SHISA9: variants seen among roughly 807,000 people sequenced by gnomAD.
The protein encoded by SHISA9 is shisa family member 9.
A neutral mutation model predicts 38.0 loss-of-function variants in SHISA9; 13 were observed. That is an observed-to-expected ratio of 0.34 (90% confidence interval 0.22 to 0.54). The LOEUF is 0.54. Ranked by LOEUF, SHISA9 falls within the 20% of genes least tolerant of loss-of-function variation. SHISA9 has a pLI of 0.91. For missense variants in SHISA9, 538 were observed against 575.8 expected (o/e 0.93, Z 0.67); for synonymous variants, 275 against 242.0 (o/e 1.14, Z -1.27).
the SHISA9 span, among the ~76,000 whole-genome samples, chr16:13,293,481 G>A: frequency 6.6e-6 from 1 of 152,158 alleles, no homozygotes; most frequent in Non-Finnish European, 1.5e-5. Flanking sequence ...TTGCAAGCCA[G>A]GCCACCTTAG....
the SHISA9 span, among the ~76,000 whole-genome samples, chr16:13,309,646 A>T: frequency 1.3e-5 from 2 of 150,748 alleles, no homozygotes; most frequent in East Asian, 1.9e-4. Context: ...CAGTCTCAAA[A>T]AAAAAAAAAA....
the SHISA9 span, among the ~76,000 whole-genome samples, chr16:13,389,662 C>T: frequency 2.6e-5 from 4 of 152,178 alleles, no homozygotes; most frequent in African/African-American, 9.7e-5. Context: ...TTCCAGATCA[C>T]TTGGAACTCA....
At chr16:13,539,361 A>AAAAC in the SHISA9 span, among the ~76,000 whole-genome samples, 2 of 80,900 alleles carry the variant, frequency 2.5e-5, no homozygotes, top group Non-Finnish European at 5.4e-5. Flanking sequence ...ATATATATAA[A>AAAAC]GACAGGATCT....
At chr16:12,946,816 A>G (rs779008921) in intron 2 of SHISA9, among the ~76,000 whole-genome samples, 1 of 152,260 alleles carries the variant, frequency 6.6e-6, no homozygotes, top group Non-Finnish European at 1.5e-5. Flanking sequence ...CTGCATGGCC[A>G]TTGCAGTTCT....
At chr16:13,475,970 G>A in the SHISA9 span, among the ~76,000 whole-genome samples, 1 of 152,084 alleles carries the variant, frequency 6.6e-6, no homozygotes, top group African/African-American at 2.4e-5. Flanking sequence ...GGGAGCAGCT[G>A]TAAATAAAGA....
the SHISA9 span, among the ~76,000 whole-genome samples, chr16:13,535,529 G>T: frequency 2.0e-5 from 3 of 152,136 alleles, no homozygotes; most frequent in Non-Finnish European, 4.4e-5. Context: ...ACACTCGTTC[G>T]TTTACTTATT....
chr16:13,051,600 C>T (rs2073251864), intron 2 of SHISA9, among the ~76,000 whole-genome samples: 1 of 152,128 alleles, frequency 6.6e-6, no homozygotes, highest in African/African-American at 2.4e-5. Context: ...TGGCATTGAA[C>T]AACCATTGTG....
chr16:13,412,775 T>G, the SHISA9 span, among the ~76,000 whole-genome samples: 9 of 151,576 alleles, frequency 5.9e-5, no homozygotes, highest in African/African-American at 2.0e-4. Flanking sequence ...GAGGATCACT[T>G]TAGCCCGGGA....
chr16:13,183,008 G>T (rs970072431), intron 2 of SHISA9, among the ~76,000 whole-genome samples: 1 of 152,056 alleles, frequency 6.6e-6, no homozygotes, highest in Non-Finnish European at 1.5e-5. Context: ...AGGGCTGTTG[G>T]CTGGAACATC....
the SHISA9 span, among the ~76,000 whole-genome samples, chr16:13,425,235 T>C: frequency 1.3e-4 from 20 of 152,120 alleles, no homozygotes; most frequent in East Asian, 3.1e-3. Context: ...GGCTCACACC[T>C]GTAATCCCAA....
At chr16:12,918,460 CA>C (rs1225795610) in intron 2 of SHISA9, among the ~76,000 whole-genome samples, 5 of 152,162 alleles carry the variant, frequency 3.3e-5, no homozygotes, top group African/African-American at 1.2e-4. Flanking sequence ...TTTGAATCAG[CA>C]CTCAAATGAA....
At chr16:13,197,102 C>CCTATATATAT (rs1555470427) in intron 2 of SHISA9, among the ~76,000 whole-genome samples, 5 of 146,924 alleles carry the variant, frequency 3.4e-5, no homozygotes, top group African/African-American at 1.3e-4. Context: ...TCTCTCTGTA[C>CCTATATATAT]ATACACACAC....
the SHISA9 span, among the ~76,000 whole-genome samples, chr16:13,245,453 C>G: frequency 5.3e-5 from 8 of 152,102 alleles, no homozygotes; most frequent in Non-Finnish European, 1.0e-4. Context: ...AATAGTATCT[C>G]TATCATTGGC....
intron 2 of SHISA9, among the ~76,000 whole-genome samples, chr16:12,992,457 G>A (rs371484039): frequency 1.3e-4 from 19 of 151,986 alleles, no homozygotes; most frequent in Non-Finnish European, 2.5e-4. Flanking sequence ...GCTTGAACCC[G>A]GGAGGCAGAG....
At chr16:13,428,289 AAGAAAG>A in the SHISA9 span, among the ~76,000 whole-genome samples, 1 of 152,006 alleles carries the variant, frequency 6.6e-6, no homozygotes, top group African/African-American at 2.4e-5. Context: ...AAGAAAAACA[AAGAAAG>A]AGAGAGAGAG....
chr16:13,072,780 C>A (rs1385032779), intron 2 of SHISA9, among the ~76,000 whole-genome samples: 3 of 152,064 alleles, frequency 2.0e-5, no homozygotes, highest in Admixed American at 6.6e-5. Flanking sequence ...CCTGCCTCAG[C>A]CTCCTGAATA....
chr16:13,207,843 A>G (rs1240309962), intron 3 of SHISA9, among the ~76,000 whole-genome samples: 1 of 152,260 alleles, frequency 6.6e-6, no homozygotes, highest in Admixed American at 6.5e-5. Context: ...TAATGAAATT[A>G]TTACCAGCCA....
At chr16:13,440,451 G>C in the SHISA9 span, among the ~76,000 whole-genome samples, 1 of 152,174 alleles carries the variant, frequency 6.6e-6, no homozygotes, top group Non-Finnish European at 1.5e-5. Flanking sequence ...GAAGGAAAGA[G>C]AAAGCACCTT....
chr16:13,533,411 T>G, the SHISA9 span, among the ~76,000 whole-genome samples: 2 of 152,228 alleles, frequency 1.3e-5, no homozygotes, highest in African/African-American at 2.4e-5. Context: ...ACCACAGTCC[T>G]GCTGAAAAGT....
Sources: gnomAD v4.1 joint callset for allele counts (sites outside exome capture counted in the v4.1 genomes callset) on GRCh38, gnomAD v4.1.1 for gene constraint, MANE v1.5 for transcripts, NCBI Gene and HGNC (gene_info 2026-07-23, HGNC 2026-07-21) for gene names.